The following RANBP2 variants were observed in gnomAD, a reference collection of about 807,000 sequenced individuals.
RANBP2 encodes E3 SUMO-protein ligase RanBP2.
RANBP2 carries 57 observed loss-of-function variants against 303.6 expected under a neutral mutation model. That is an observed-to-expected ratio of 0.19 (90% confidence interval 0.15 to 0.23). The LOEUF (loss-of-function observed/expected upper bound fraction) is 0.23. Among genes scored for constraint, RANBP2 ranks in the 10% least tolerant of loss-of-function variants. The pLI is 1.00. For synonymous variants in RANBP2, 1,167 were observed against 1,301.5 expected (o/e 0.90, Z 2.23); for missense variants, 3,138 against 3,780.8 (o/e 0.83, Z 4.46).
chr2:109,439,267 C>T, the RANBP2 span, among the ~76,000 whole-genome samples: 18 of 152,208 alleles, frequency 1.2e-4, no homozygotes, highest in East Asian at 1.5e-3. Flanking sequence ...GAGTGAGGCA[C>T]GGGATGGTTA....
chr2:109,469,957 A>G, the RANBP2 span, among the ~76,000 whole-genome samples: 1 of 152,204 alleles, frequency 6.6e-6, no homozygotes, highest in African/African-American at 2.4e-5. Flanking sequence ...CATGCGAGCT[A>G]TAAGATGAAC....
At chr2:109,029,078 C>T in the RANBP2 span, among the ~76,000 whole-genome samples, 2 of 151,830 alleles carry the variant, frequency 1.3e-5, no homozygotes, top group Non-Finnish European at 2.9e-5. Context: ...AGGCACTGTG[C>T]CCGGCCTATG....
intron 4 of RANBP2, among the ~76,000 whole-genome samples, chr2:108,732,125 TATTAA>T (rs1695212445): frequency 6.6e-6 from 1 of 152,198 alleles, no homozygotes; most frequent in African/African-American, 2.4e-5. Flanking sequence ...GTGTGTACAA[TATTAA>T]ATTATAAATG....
At chr2:109,522,718 C>A in the RANBP2 span, among the ~76,000 whole-genome samples, 2 of 152,092 alleles carry the variant, frequency 1.3e-5, no homozygotes, top group Non-Finnish European at 2.9e-5. Context: ...AGGATCAGGC[C>A]CTGGCATCAG....
the RANBP2 span, chr2:108,873,683 A>G: frequency 1.2e-6 from 1 of 812,202 alleles, no homozygotes; most frequent in Admixed American, 2.8e-5. Context: ...TCCCTGGGCC[A>G]CACTGGATGA....
chr2:109,466,957 G>T, the RANBP2 span, among the ~76,000 whole-genome samples: 127 of 152,314 alleles, frequency 8.3e-4, 1 homozygote, highest in African/African-American at 3.0e-3. Flanking sequence ...ATATATCTGT[G>T]TGCATGTGTG....
the RANBP2 span, among the ~76,000 whole-genome samples, chr2:109,516,271 A>AG: frequency 6.6e-6 from 1 of 152,188 alleles, no homozygotes; most frequent in African/African-American, 2.4e-5. Flanking sequence ...CCCTGTGCCC[A>AG]GGGCCTGGGG....
At chr2:109,553,033 A>G in the RANBP2 span, 1 of 1,579,862 alleles carries the variant, frequency 6.3e-7, no homozygotes, top group Non-Finnish European at 8.6e-7. Context: ...AATCCTCCAA[A>G]TTAATAGGAC....
At chr2:109,489,670 C>T in the RANBP2 span, among the ~76,000 whole-genome samples, 2 of 147,584 alleles carry the variant, frequency 1.4e-5, no homozygotes, top group Admixed American at 1.4e-4. Flanking sequence ...GGCCTCGGGG[C>T]CTATTTTGGA....
At chr2:109,661,870 A>G in the RANBP2 span, among the ~76,000 whole-genome samples, 2 of 152,176 alleles carry the variant, frequency 1.3e-5, no homozygotes, top group African/African-American at 4.8e-5. Flanking sequence ...TCACCCACCC[A>G]GATGCCCAGC....
the RANBP2 span, among the ~76,000 whole-genome samples, chr2:109,076,466 A>T: frequency 6.6e-6 from 1 of 150,590 alleles, no homozygotes; most frequent in Admixed American, 6.6e-5. Flanking sequence ...AACAAGGAAA[A>T]TTGTCTGTTT....
the RANBP2 span, among the ~76,000 whole-genome samples, chr2:109,513,204 G>A: frequency 6.6e-6 from 1 of 152,074 alleles, no homozygotes; most frequent in Non-Finnish European, 1.5e-5. Flanking sequence ...CAGTAGACCT[G>A]TCTCAGCACC....
At chr2:109,684,186 C>T in the RANBP2 span, among the ~76,000 whole-genome samples, 68 of 151,930 alleles carry the variant, frequency 4.5e-4, no homozygotes, top group African/African-American at 1.6e-3. Flanking sequence ...AAATGATCCA[C>T]CCGCCTTAGC....
At chr2:109,367,088 G>A in the RANBP2 span, among the ~76,000 whole-genome samples, 13 of 150,698 alleles carry the variant, frequency 8.6e-5, no homozygotes, top group Non-Finnish European at 1.8e-4. Flanking sequence ...GAGCAGCTAG[G>A]ATTACAGGCA....
chr2:109,581,305 C>T, the RANBP2 span, among the ~76,000 whole-genome samples: 10 of 151,962 alleles, frequency 6.6e-5, no homozygotes, highest in Non-Finnish European at 1.5e-4. Context: ...GGTGTCATAG[C>T]GGGCACCTGT....
the RANBP2 span, among the ~76,000 whole-genome samples, chr2:109,209,128 C>T: frequency 6.6e-6 from 1 of 152,230 alleles, no homozygotes; most frequent in African/African-American, 2.4e-5. Flanking sequence ...ACTGTTGCCA[C>T]TGGGAAGTGG....
chr2:108,748,784 A>T (rs1675598193), intron 8 of RANBP2, 136 bp from the exon 9 acceptor site: 1 of 1,528,494 alleles, frequency 6.5e-7, no homozygotes, highest in East Asian at 2.3e-5. Flanking sequence ...TTTGTTGTCC[A>T]GCTGTATTTT....
At chr2:109,692,906 C>T in the RANBP2 span, among the ~76,000 whole-genome samples, 2 of 149,648 alleles carry the variant, frequency 1.3e-5, no homozygotes, top group Admixed American at 6.7e-5. Context: ...GCAACCTCCA[C>T]CTCCCGGGTT....
chr2:109,707,302 A>G, the RANBP2 span, among the ~76,000 whole-genome samples: 1 of 152,020 alleles, frequency 6.6e-6, no homozygotes, highest in African/African-American at 2.4e-5. Context: ...AAAGAACCCA[A>G]CTGGCTCTTT....
Sources: gnomAD v4.1 joint callset for allele counts (sites outside exome capture counted in the v4.1 genomes callset) on GRCh38, gnomAD v4.1.1 for gene constraint, MANE v1.5 for transcripts, NCBI Gene and HGNC (gene_info 2026-07-23, HGNC 2026-07-21) for gene names.